CELF2: variants seen among roughly 807,000 people sequenced by gnomAD.
CELF2 encodes the protein CUG triplet repeat RNA-binding protein 2.
In CELF2, 8 loss-of-function variants were observed where a neutral mutation model predicts 62.6. The observed-to-expected ratio is 0.13, with a 90% CI of 0.07 to 0.23. The LOEUF (loss-of-function observed/expected upper bound fraction) is 0.23, where lower values mean the gene tolerates loss of function less well. Ranked by LOEUF, CELF2 falls within the 10% of genes least tolerant of loss-of-function variation. CELF2 has a pLI of 1.00. For missense variants in CELF2, 333 were observed against 671.0 expected, an observed-to-expected ratio of 0.50 and a Z score of 5.56; for synonymous variants, 258 against 250.0, an observed-to-expected ratio of 1.03 and a Z score of -0.30.
At chr10:11,031,987 A>G (rs2060187621) in intron 1 of CELF2, among the ~76,000 whole-genome samples, 1 of 152,020 alleles carries the variant, frequency 6.6e-6, no homozygotes, top group Admixed American at 6.5e-5. Context: ...CAAGTCCTCT[A>G]TTTCCACCCT....
At chr10:11,090,862 A>G (rs931348964) in intron 1 of CELF2, among the ~76,000 whole-genome samples, 1 of 152,238 alleles carries the variant, frequency 6.6e-6, no homozygotes, top group African/African-American at 2.4e-5. Flanking sequence ...GTTAAAAATC[A>G]TATGTGCATA....
chr10:10,836,267 G>A (rs2058279286), intron 1 of CELF2, among the ~76,000 whole-genome samples: 1 of 150,990 alleles, frequency 6.6e-6, no homozygotes, highest in Non-Finnish European at 1.5e-5. Context: ...CTAGAGGGTG[G>A]AGAGAGAAAG....
chr10:10,692,028 C>G, the CELF2 span, among the ~76,000 whole-genome samples: 96 of 151,500 alleles, frequency 6.3e-4, no homozygotes, highest in Non-Finnish European at 1.1e-3. Flanking sequence ...TCCCATTTGT[C>G]AATTTTGTCT....
chr10:11,329,164 CAAGA>C lies in CELF2; in HGVS notation c.*112_*115del. ...GGAGGACCACATTGCCAACTTTTAC[CAAGA>C]GAGACGGTTATTTTTACAATAAGGC... On this transcript the variant is annotated 3_prime_UTR_variant, in exon 13 of 13. Transcript: ENST00000633077. The surrounding 1 kb of genome is among the most constrained non-coding windows in gnomAD (Gnocchi z 5.5). 8.6e-7 allele frequency: 1 copy of C among 1,158,610 alleles called. No homozygotes were observed. The highest frequency in any genetic ancestry group is 1.8e-5 in the South Asian group (1 of 56,306). The allele number at this position is 1,158,610 out of a possible 1,614,324, so 71.8% of individuals were successfully genotyped here.
the CELF2 span, among the ~76,000 whole-genome samples, chr10:10,761,905 CGTGTGTGTGTGTGTGTGTGTGTGTGT>C: frequency 3.1e-5 from 4 of 128,972 alleles, no homozygotes; most frequent in Non-Finnish European, 6.5e-5. Flanking sequence ...TATAATAAAC[CGTGTGTGTGTGTGTGTGTGTGTGTGT>C]GTGTGTGTGT....
rs79817326 is a variant in CELF2, at chr10:11,064,959, A to T, written c.74+46796A>T. On this transcript the variant is annotated intron_variant, in intron 1 of 12. Coordinates refer to ENST00000633077, the MANE Select transcript of CELF2 (RefSeq NM_001326342.2). ...ATTTCAGGAATGTTTCTTTCTCAAG[A>T]TGTATGTGTCATTTGTCACCTAGAC... Among the ~76,000 whole-genome samples, 1,124 of 152,306 alleles carry T rather than the reference A, an allele frequency of 7.4e-3. 9 individuals carry two copies. Among genetic ancestry groups the T allele is most frequent in the African/African-American group, 0.025 (1,023 of 41,554 alleles).
chr10:11,326,007 T>C (rs1156460261), intron 12 of CELF2, 28 bp downstream of exon 12: 8 of 1,594,404 alleles, frequency 5.0e-6, no homozygotes, highest in Non-Finnish European at 6.8e-6. Context: ...AGCTAGTATA[T>C]TGCAGTAGGT....
chr10:10,763,972 A>C, the CELF2 span, among the ~76,000 whole-genome samples: 1 of 152,266 alleles, frequency 6.6e-6, no homozygotes, highest in Non-Finnish European at 1.5e-5. Flanking sequence ...GGAGTGAATT[A>C]GTATTTCACG....
At chr10:10,468,203 C>T in the CELF2 span, among the ~76,000 whole-genome samples, 1 of 151,960 alleles carries the variant, frequency 6.6e-6, no homozygotes, top group Admixed American at 6.6e-5. Context: ...AAAGCTTTGG[C>T]GTTCTCTAAA....
intron 1 of CELF2, among the ~76,000 whole-genome samples, chr10:11,085,991 T>C (rs1048650389): frequency 3.3e-5 from 5 of 152,170 alleles, no homozygotes; most frequent in Non-Finnish European, 7.4e-5. Flanking sequence ...GTGATGGATT[T>C]AATGAATTAA....
the CELF2 span, among the ~76,000 whole-genome samples, chr10:10,691,124 T>C: frequency 6.6e-6 from 1 of 151,960 alleles, no homozygotes; most frequent in Admixed American, 6.6e-5. Context: ...TCATCTAGCA[T>C]TAGGTATATC....
the CELF2 span, among the ~76,000 whole-genome samples, chr10:10,464,519 T>C: frequency 2.0e-5 from 3 of 152,164 alleles, no homozygotes; most frequent in African/African-American, 4.8e-5. Context: ...TGTAATTTTC[T>C]AATTGACCAA....
the CELF2 span, among the ~76,000 whole-genome samples, chr10:10,764,936 T>A: frequency 9.9e-5 from 15 of 152,162 alleles, no homozygotes; most frequent in African/African-American, 3.1e-4. Flanking sequence ...AAGCCTGAGA[T>A]AAAAGCTCAT....
chr10:10,958,492 AG>A (rs1384463102), intron 2 of CELF2, among the ~76,000 whole-genome samples: 1 of 152,194 alleles, frequency 6.6e-6, no homozygotes, highest in African/African-American at 2.4e-5. Flanking sequence ...AGGGCCTCTG[AG>A]TTGGAAAGCT....
At chr10:11,222,836 A>C (rs1182631339) in intron 3 of CELF2, among the ~76,000 whole-genome samples, 1 of 152,278 alleles carries the variant, frequency 6.6e-6, no homozygotes, top group Non-Finnish European at 1.5e-5. Context: ...AAAATATAAA[A>C]TGAATGTAGA....
the CELF2 span, among the ~76,000 whole-genome samples, chr10:10,719,905 A>G: frequency 3.3e-5 from 5 of 152,244 alleles, no homozygotes; most frequent in Non-Finnish European, 7.3e-5. Context: ...AGTCTGAAAG[A>G]GACAAAAACA....
intron 1 of CELF2, among the ~76,000 whole-genome samples, chr10:10,815,244 C>G (rs1463230095): frequency 6.6e-6 from 1 of 152,192 alleles, no homozygotes; most frequent in African/African-American, 2.4e-5. Flanking sequence ...GCCCCTCTCT[C>G]CCCTTGTACA....
intron 1 of CELF2, among the ~76,000 whole-genome samples, chr10:11,063,450 C>A (rs1352971919): frequency 6.6e-6 from 1 of 152,166 alleles, no homozygotes; most frequent in South Asian, 2.1e-4. Flanking sequence ...ATTTTAATTA[C>A]CAATTTTTAT....
intron 1 of CELF2, among the ~76,000 whole-genome samples, chr10:10,862,314 C>T (rs1463753814): frequency 6.6e-6 from 1 of 152,188 alleles, no homozygotes; most frequent in East Asian, 1.9e-4. Context: ...CATGTAGCTG[C>T]AGTCACATGT....
Sources: gnomAD v4.1 joint callset for allele counts (sites outside exome capture counted in the v4.1 genomes callset) on GRCh38, gnomAD v4.1.1 for gene constraint, Gnocchi (gnomAD v3.1) non-coding constraint, MANE v1.5 for transcripts, NCBI Gene and HGNC (gene_info 2026-07-23, HGNC 2026-07-21) for gene names.